The following KPNA6 variants were observed in gnomAD, a reference collection of about 807,000 sequenced individuals.
KPNA6 encodes karyopherin subunit alpha 6.
In KPNA6, 9 loss-of-function variants were observed where a neutral mutation model predicts 72.0. That is an observed-to-expected ratio of 0.13 (90% CI 0.08 to 0.22). The LOEUF is 0.22. KPNA6 is among the 10% of genes least tolerant of loss of function. KPNA6 has a pLI of 1.00. For missense variants in KPNA6, 374 were observed against 655.7 expected, an observed-to-expected ratio of 0.57 and a Z score of 4.69; for synonymous variants, 219 against 242.1, an observed-to-expected ratio of 0.90 and a Z score of 0.89.
Position 32,158,438 on chromosome 1 carries a change from A to G in KPNA6, c.426+77A>G, listed in dbSNP as rs1642182950. On this transcript the variant is annotated intron_variant, in intron 5 of 13. Transcript: ENST00000373625. ...CATAGTAGGTATATATATTTATGGG[A>G]TACATGAGATGTTTTGACACAGGCA... is the stretch of plus-strand genomic sequence containing the variant. 2 of 824,830 alleles carry G rather than the reference A, an allele frequency of 2.4e-6. No individual in the cohort carries two copies. The highest frequency in any genetic ancestry group is 4.0e-6 in the Non-Finnish European group (2 of 496,878). 51.1% of individuals were successfully genotyped at this position (824,830 alleles called of 1,614,324 possible).
chr1:32,141,353 G>GT (rs1347841039), intron 1 of KPNA6, among the ~76,000 whole-genome samples: 4 of 100,696 alleles, frequency 4.0e-5, no homozygotes, highest in African/African-American at 1.6e-4. Context: ...ATCCATTAGG[G>GT]CTTTTTTTTT....
intron 1 of KPNA6, among the ~76,000 whole-genome samples, chr1:32,132,958 C>T (rs900591100): frequency 6.6e-5 from 10 of 152,050 alleles, no homozygotes; most frequent in African/African-American, 2.4e-4. Flanking sequence ...TGGTCTCAAA[C>T]TCCTGGGCTC....
chr1:32,170,151 G>A (rs1642410526), intron 13 of KPNA6, 91 bp downstream of exon 13: 8 of 1,194,786 alleles, frequency 6.7e-6, no homozygotes, highest in Non-Finnish European at 9.5e-6. Context: ...AGTGTGGGTT[G>A]GGAAGCATCC....
intron 5 of KPNA6, among the ~76,000 whole-genome samples, chr1:32,158,992 A>T (rs1350408174): frequency 6.6e-6 from 1 of 152,180 alleles, no homozygotes. Context: ...AATCCATTGG[A>T]ACTTGCCAGA....
chr1:32,129,490 A>G (rs896907136), intron 1 of KPNA6, among the ~76,000 whole-genome samples: 3 of 152,036 alleles, frequency 2.0e-5, no homozygotes, highest in Non-Finnish European at 4.4e-5. Context: ...GCCAGTCCCT[A>G]TAATTTTGTT....
Position 32,169,948 on chromosome 1 carries a change from TG to T in KPNA6, c.1312del (p.Val438CysfsTer33). ...DLLTVMDSKIVQVALNGLENI... is the reference protein window; with the variant it reads ...DLLTVMDSKIXQVALNGLENI... ...TGCTGACTGTAATGGATTCGAAGATTGTGCAAGTGGCCCTCAATGGACTGGA... is the reference window on the plus strand; with the variant it reads ...TGCTGACTGTAATGGATTCGAAGATTTGCAAGTGGCCCTCAATGGACTGGA... On this transcript the variant is annotated frameshift_variant, in exon 13 of 14. Transcript: ENST00000373625. LOFTEE classifies it high-confidence loss of function. The T allele has an allele frequency of 6.2e-7, 1 of 1,614,048 alleles. No homozygotes were observed. The highest frequency in any genetic ancestry group is 8.5e-7 in the Non-Finnish European group (1 of 1,180,016).
chr1:32,126,000 A>AAAAC (rs1344906069), intron 1 of KPNA6, among the ~76,000 whole-genome samples: 7 of 149,864 alleles, frequency 4.7e-5, no homozygotes, highest in African/African-American at 1.5e-4. Flanking sequence ...AAAAAAAAAA[A>AAAAC]ACCTGTCCTA....
At chr1:32,168,309 C>T (rs773224553) in intron 12 of KPNA6, among the ~76,000 whole-genome samples, 1 of 152,194 alleles carries the variant, frequency 6.6e-6, no homozygotes, top group East Asian at 1.9e-4. Context: ...TCTGCTTTAG[C>T]CTCCTGAGTA....
chr1:32,133,768 T>C (rs1641683323), intron 1 of KPNA6, among the ~76,000 whole-genome samples: 1 of 152,136 alleles, frequency 6.6e-6, no homozygotes, highest in South Asian at 2.1e-4. Context: ...AGCATGGGCG[T>C]GGTGGCTCAC....
At chr1:32,147,650 C>CTTTTTTTTTTTTTTT (rs915571659) in intron 1 of KPNA6, among the ~76,000 whole-genome samples, 2 of 81,882 alleles carry the variant, frequency 2.4e-5, no homozygotes, top group Admixed American at 1.5e-4. Context: ...GATTTCTTTT[C>CTTTTTTTTTTTTTTT]TTTTTTTTTT....
In KPNA6 at chr1:32,156,108, C is replaced by CT. The variant is rs879649294; in HGVS notation, c.139-733dup. Among the ~76,000 whole-genome samples, 197 of 142,706 alleles carry CT rather than the reference C, an allele frequency of 1.4e-3. 1 individual carries two copies. The highest frequency in any genetic ancestry group is 0.013 in the East Asian group (64 of 4,964). The allele number at this position is 142,706 out of a possible 152,430, so 93.6% of individuals were successfully genotyped here. A position where few individuals can be genotyped will look rare whatever the true frequency, so the allele number is the denominator to read the frequency against. ...TTGCTATACTATCATTCCTTTTTTT[C>CT]TTTTTTTTTTTTAAGACAGGATCTT... On this transcript the variant is annotated intron_variant, in intron 2 of 13. Transcript: ENST00000373625.
chr1:32,108,106 C>G lies in KPNA6; in HGVS notation c.-25C>G, dbSNP rs190363179. 15 of 1,614,060 alleles carry G rather than the reference C, an allele frequency of 9.3e-6. No homozygotes were observed. The highest frequency in any genetic ancestry group is 1.2e-5 in the Non-Finnish European group (14 of 1,179,950). ...GAAGCTGCCGCCGTTGCCTCCGCCG[C>G]CAAGAGTGAGCGAGCGGACCCGCGA... On this transcript the variant is annotated 5_prime_UTR_variant, in exon 1 of 14. Coordinates refer to ENST00000373625, the MANE Select transcript of KPNA6 (RefSeq NM_012316.5).
intron 1 of KPNA6, among the ~76,000 whole-genome samples, chr1:32,150,923 G>A (rs1181158839): frequency 1.3e-5 from 2 of 151,392 alleles, no homozygotes; most frequent in African/African-American, 4.8e-5. Context: ...CCACGCCCCG[G>A]CTGTTTTTGT....
At chr1:32,126,405 A>G (rs1309821621) in intron 1 of KPNA6, among the ~76,000 whole-genome samples, 1 of 145,818 alleles carries the variant, frequency 6.9e-6, no homozygotes, top group African/African-American at 2.5e-5. Context: ...ATTTTTTGAG[A>G]TGGAGTTTTT....
At chr1:32,143,993 A>G (rs899957613) in intron 1 of KPNA6, among the ~76,000 whole-genome samples, 1 of 152,184 alleles carries the variant, frequency 6.6e-6, no homozygotes, top group African/African-American at 2.4e-5. Flanking sequence ...ATATATTCCA[A>G]CACCCCCAGT....
intron 6 of KPNA6, 134 bp from the exon 7 acceptor site, chr1:32,160,481 C>T: frequency 1.5e-6 from 1 of 671,774 alleles, no homozygotes; most frequent in South Asian, 1.7e-5. Flanking sequence ...GGGAGGTTAC[C>T]TGAGCTTGTG....
At chr1:32,128,760 A>G (rs775724528) in intron 1 of KPNA6, among the ~76,000 whole-genome samples, 6 of 152,144 alleles carry the variant, frequency 3.9e-5, no homozygotes, top group South Asian at 2.1e-4. Flanking sequence ...ATCTGTTTCA[A>G]ACTGTTTTCT....
chr1:32,164,874 CT>C (rs1466658540), intron 10 of KPNA6, among the ~76,000 whole-genome samples: 1 of 151,254 alleles, frequency 6.6e-6, no homozygotes, highest in Non-Finnish European at 1.5e-5. Flanking sequence ...ACTTTGGTGT[CT>C]TTAAAAAAAA....
intron 1 of KPNA6, chr1:32,142,918 A>C (rs1417447977): frequency 1.0e-5 from 13 of 1,282,730 alleles, no homozygotes; most frequent in Non-Finnish European, 1.3e-5. Context: ...CATGGTGACT[A>C]AAGAAGCTCA....
Sources: gnomAD v4.1 joint callset for allele counts (sites outside exome capture counted in the v4.1 genomes callset) on GRCh38, gnomAD v4.1.1 for gene constraint, MANE v1.5 for transcripts, NCBI Gene and HGNC (gene_info 2026-07-23, HGNC 2026-07-21) for gene names.